ZMYM2: variants seen among roughly 807,000 people sequenced by gnomAD.
ZMYM2 encodes the protein zinc finger MYM-type containing 2, also known as zinc finger MYM-type protein 2.
ZMYM2 carries 56 observed loss-of-function variants against 162.8 expected under a neutral mutation model. The ratio of observed to expected loss-of-function variants is 0.34; its 90% CI spans 0.28 to 0.43. The LOEUF (loss-of-function observed/expected upper bound fraction) is 0.43, where lower values mean the gene tolerates loss of function less well. Among genes scored for constraint, ZMYM2 ranks in the 20% least tolerant of loss-of-function variants. The pLI is 1.00. For missense variants in ZMYM2, 1,275 were observed against 1,621.8 expected, an observed-to-expected ratio of 0.79 and a Z score of 3.67; for synonymous variants, 510 against 541.6, an observed-to-expected ratio of 0.94 and a Z score of 0.81.
At chr13:19,961,243 C>G (rs377339644) in intron 2 of ZMYM2, among the ~76,000 whole-genome samples, 2 of 151,884 alleles carry the variant, frequency 1.3e-5, no homozygotes. Flanking sequence ...TAGTTTTTAA[C>G]ATGTGTTAAG....
intron 6 of ZMYM2, among the ~76,000 whole-genome samples, chr13:20,018,905 C>T (rs1951835396): frequency 6.6e-6 from 1 of 152,026 alleles, no homozygotes; most frequent in Non-Finnish European, 1.5e-5. Flanking sequence ...CATGGTGAAA[C>T]CCTGTCTCTA....
At chr13:20,056,128 T>C (rs1264868039) in intron 14 of ZMYM2, among the ~76,000 whole-genome samples, 1 of 152,288 alleles carries the variant, frequency 6.6e-6, no homozygotes, top group South Asian at 2.1e-4. Flanking sequence ...AAGCTTGTTA[T>C]TGTATACCAA....
chr13:20,047,489 C>T (rs1326180021), intron 12 of ZMYM2, among the ~76,000 whole-genome samples: 4 of 152,130 alleles, frequency 2.6e-5, no homozygotes, highest in African/African-American at 9.7e-5. Flanking sequence ...AGTGCTTCAT[C>T]ACAGAAACTT....
the ZMYM2 span, among the ~76,000 whole-genome samples, chr13:19,875,626 C>CAAA: frequency 1.3e-4 from 7 of 54,886 alleles, no homozygotes; most frequent in South Asian, 8.6e-4. Context: ...GACTCCATCG[C>CAAA]AAAAAAAAAA....
rs150351220 is a variant in ZMYM2, at chr13:20,015,211, T to C, written c.1513-4336T>C. ...TTAAAAATTTCCTGTGATTTCTTCT[T>C]TGAGCCATGTTTAAGAGTGTGTAGT... On this transcript the variant is annotated intron_variant, in intron 6 of 24. Transcript: ENST00000610343. Among the ~76,000 whole-genome samples the C allele has an allele frequency of 7.4e-3, 1,134 of 152,334 alleles. 11 individuals carry two copies. Among genetic ancestry groups the C allele is most frequent in the African/African-American group, 0.025 (1,031 of 41,562 alleles).
chr13:19,893,476 G>A, the ZMYM2 span, among the ~76,000 whole-genome samples: 28 of 151,976 alleles, frequency 1.8e-4, no homozygotes, highest in Admixed American at 1.7e-3. Flanking sequence ...GGTGGCTCAC[G>A]CCTGTAATCC....
chr13:20,013,883 T>C (rs1294963096), intron 6 of ZMYM2, among the ~76,000 whole-genome samples: 1 of 152,156 alleles, frequency 6.6e-6, no homozygotes, highest in East Asian at 1.9e-4. Flanking sequence ...TGGTCTCTGA[T>C]TTTCTTTCTT....
At chr13:20,001,322 G>A (rs1266943824) in intron 3 of ZMYM2, among the ~76,000 whole-genome samples, 3 of 151,822 alleles carry the variant, frequency 2.0e-5, no homozygotes, top group Non-Finnish European at 2.9e-5. Flanking sequence ...ATCCCAGGAG[G>A]TAGAGGTTGC....
Position 20,031,248 on chromosome 13 carries a change from A to G in ZMYM2, c.1852-71A>G, listed in dbSNP as rs1953104682. The G allele has an allele frequency of 3.8e-6, 4 of 1,052,320 alleles. No individual in the cohort carries two copies. The South Asian group carries it at 4.5e-5, about 12-fold the overall frequency. The allele number at this position is 1,052,320 out of a possible 1,614,324, so 65.2% of individuals were successfully genotyped here. A position where few individuals can be genotyped will look rare whatever the true frequency, so the allele number is the denominator to read the frequency against. On this transcript the variant is annotated intron_variant, in intron 9 of 24. Coordinates refer to ENST00000610343, the MANE Select transcript of ZMYM2 (RefSeq NM_197968.4). The stretch of plus-strand genomic sequence containing the variant: ...ATATTACTTTCTGGACATCGTAGAT[A>G]TATGACAGTAATCACAAATAGAAAT...
the ZMYM2 span, among the ~76,000 whole-genome samples, chr13:19,899,627 C>A: frequency 2.0e-5 from 3 of 150,844 alleles, no homozygotes; most frequent in Non-Finnish European, 4.4e-5. Context: ...ACCAGCCTGG[C>A]CAACATGGGG....
chr13:19,916,478 G>A, the ZMYM2 span, among the ~76,000 whole-genome samples: 6 of 152,130 alleles, frequency 3.9e-5, no homozygotes, highest in Non-Finnish European at 7.3e-5. Flanking sequence ...CCCATCAATG[G>A]TAGACTGGAT....
chr13:20,071,366 C>T (rs1370751071), intron 21 of ZMYM2, among the ~76,000 whole-genome samples: 4 of 152,214 alleles, frequency 2.6e-5, no homozygotes, highest in South Asian at 4.1e-4. Flanking sequence ...AACAAAGGAA[C>T]GAAGCAGCGA....
chr13:19,918,495 CTTTTTTTTTTTTTT>C, the ZMYM2 span, among the ~76,000 whole-genome samples: 1 of 107,504 alleles, frequency 9.3e-6, no homozygotes, highest in African/African-American at 3.5e-5. Context: ...TTCTTTCTTT[CTTTTTTTTTTTTTT>C]TTTTTTTTGA....
At chr13:20,016,232 C>T (rs1231518925) in intron 6 of ZMYM2, among the ~76,000 whole-genome samples, 1 of 152,004 alleles carries the variant, frequency 6.6e-6, no homozygotes, top group Non-Finnish European at 1.5e-5. Context: ...ATAATTCAAT[C>T]TAATGTGAAT....
chr13:19,920,278 A>C, the ZMYM2 span, among the ~76,000 whole-genome samples: 1 of 152,178 alleles, frequency 6.6e-6, no homozygotes, highest in Admixed American at 6.6e-5. Context: ...TCTGTCAAAA[A>C]AAACATTTTT....
chr13:20,074,088 C>T (rs1244165035), intron 21 of ZMYM2, among the ~76,000 whole-genome samples: 5 of 152,098 alleles, frequency 3.3e-5, no homozygotes, highest in African/African-American at 1.2e-4. Context: ...CTACCATAGG[C>T]ACCTCATATA....
intron 2 of ZMYM2, among the ~76,000 whole-genome samples, chr13:19,980,173 G>T (rs1001644421): frequency 6.6e-6 from 1 of 151,780 alleles, no homozygotes; most frequent in African/African-American, 2.4e-5. Flanking sequence ...TGAGGGGTAG[G>T]TGGCTCCCCA....
intron 10 of ZMYM2, among the ~76,000 whole-genome samples, chr13:20,033,590 G>A (rs1594483365): frequency 1.3e-5 from 2 of 152,176 alleles, no homozygotes; most frequent in Non-Finnish European, 2.9e-5. Context: ...TTTAGACTTA[G>A]TCTGTAGCCT....
the ZMYM2 span, among the ~76,000 whole-genome samples, chr13:19,879,535 T>C: frequency 6.6e-6 from 1 of 152,242 alleles, no homozygotes; most frequent in African/African-American, 2.4e-5. Context: ...AGTACCATAC[T>C]TCTTTGATTA....
Sources: allele counts gnomAD v4.1 joint callset (sites outside exome capture counted in the v4.1 genomes callset), GRCh38; gene constraint gnomAD v4.1.1; transcripts MANE v1.5; gene names NCBI Gene and HGNC (gene_info 2026-07-23, HGNC 2026-07-21).